The following PLCL1 variants were observed in gnomAD, a reference collection of about 807,000 sequenced individuals.
PLCL1 encodes the protein inactive phospholipase C-like protein 1.
PLCL1 carries 41 observed loss-of-function variants against 84.4 expected under a neutral mutation model. The ratio of observed to expected loss-of-function variants is 0.49; its 90% CI spans 0.38 to 0.63. The LOEUF (loss-of-function observed/expected upper bound fraction) is 0.63, where lower values mean the gene tolerates loss of function less well. PLCL1 is among the 30% of genes least tolerant of loss of function. The pLI, the probability that PLCL1 is intolerant of heterozygous loss-of-function variation, is 0.00. For missense variants in PLCL1, 1,206 were observed against 1,367.8 expected, an observed-to-expected ratio of 0.88 and a Z score of 1.87; for synonymous variants, 490 against 488.3, an observed-to-expected ratio of 1.00 and a Z score of -0.05.
intron 1 of PLCL1, among the ~76,000 whole-genome samples, chr2:197,920,533 T>C (rs1688681827): frequency 6.6e-6 from 1 of 152,092 alleles, no homozygotes; most frequent in African/African-American, 2.4e-5. Context: ...TTCTGATGAG[T>C]GAAACAATTG....
intron 5 of PLCL1, among the ~76,000 whole-genome samples, chr2:198,117,567 T>A (rs1178490553): frequency 6.6e-6 from 1 of 151,796 alleles, no homozygotes; most frequent in Non-Finnish European, 1.5e-5. Context: ...TCATGGATGG[T>A]TACACACCGC....
intron 1 of PLCL1, among the ~76,000 whole-genome samples, chr2:198,079,783 T>A (rs1205288096): frequency 6.6e-6 from 1 of 152,218 alleles, no homozygotes; most frequent in African/African-American, 2.4e-5. Flanking sequence ...TGAGAAATGA[T>A]AATTTGGAGA....
At chr2:198,117,690 C>G (rs1693776810) in intron 5 of PLCL1, among the ~76,000 whole-genome samples, 1 of 151,804 alleles carries the variant, frequency 6.6e-6, no homozygotes, top group Non-Finnish European at 1.5e-5. Flanking sequence ...ATATCTAAGA[C>G]TGCTAAAAAA....
At chr2:197,835,808 C>A (rs1691175544) in intron 1 of PLCL1, among the ~76,000 whole-genome samples, 1 of 152,106 alleles carries the variant, frequency 6.6e-6, no homozygotes, top group Non-Finnish European at 1.5e-5. Context: ...TCAAAGTATT[C>A]TTATTTTATT....
chr2:197,916,563 A>C (rs1359580737), intron 1 of PLCL1, among the ~76,000 whole-genome samples: 2 of 152,052 alleles, frequency 1.3e-5, no homozygotes, highest in African/African-American at 4.8e-5. Context: ...CATAGTTAGC[A>C]CTCAATATAT....
At chr2:197,833,871 A>C (rs993991008) in intron 1 of PLCL1, among the ~76,000 whole-genome samples, 1 of 152,264 alleles carries the variant, frequency 6.6e-6, no homozygotes, top group Non-Finnish European at 1.5e-5. Flanking sequence ...AATCCCCAGC[A>C]AAAAGAACAA....
At chr2:197,873,510 A>G (rs1687684708) in intron 1 of PLCL1, among the ~76,000 whole-genome samples, 1 of 152,144 alleles carries the variant, frequency 6.6e-6, no homozygotes, top group Non-Finnish European at 1.5e-5. Context: ...TGGCTTCTGC[A>G]AAGTAGCAAG....
chr2:197,967,536 C>A (rs987557506), intron 1 of PLCL1, among the ~76,000 whole-genome samples: 43 of 152,110 alleles, frequency 2.8e-4, no homozygotes, highest in African/African-American at 1.0e-3. Context: ...ATAATCTGCT[C>A]AAAAGTAGGA....
Position 197,966,354 on chromosome 2 carries a change from G to C in PLCL1, c.241-117404G>C, listed in dbSNP as rs527256922. 1.2e-3 allele frequency among the ~76,000 whole-genome samples: 186 copies of C among 152,216 alleles called. 1 individual carries two copies. The highest frequency in any genetic ancestry group is 4.3e-3 in the African/African-American group (180 of 41,550). The stretch of plus-strand genomic sequence containing the variant: ...CAAGAATTGCAGTCCTTGTGGCCTA[G>C]ACTGCCTTTCAAGTTTATTTAGGAC... On this transcript the variant is annotated intron_variant, in intron 1 of 5. Transcript: ENST00000428675.
At chr2:197,884,074 G>A (rs1209205963) in intron 1 of PLCL1, among the ~76,000 whole-genome samples, 2 of 152,098 alleles carry the variant, frequency 1.3e-5, no homozygotes, top group Non-Finnish European at 2.9e-5. Context: ...ACCTAACTGG[G>A]ATATTTAATA....
At chr2:197,846,029 C>T (rs1253379474) in intron 1 of PLCL1, among the ~76,000 whole-genome samples, 2 of 151,880 alleles carry the variant, frequency 1.3e-5, no homozygotes, top group African/African-American at 2.4e-5. Context: ...ATTAAAAGAA[C>T]GAGGGTCTGG....
chr2:198,062,415 T>C (rs1346471156), intron 1 of PLCL1, among the ~76,000 whole-genome samples: 1 of 152,212 alleles, frequency 6.6e-6, no homozygotes, highest in Non-Finnish European at 1.5e-5. Context: ...TTACCTACAA[T>C]TTATACGTAA....
In PLCL1 at chr2:198,079,628, G is replaced by A. The variant is rs573149471; in HGVS notation, c.241-4130G>A. The stretch of plus-strand genomic sequence containing the variant: ...TCATGAGACTCTTCTTGATTCTGAT[G>A]ATTGAATCCTTTATAAGATATTGAA... On this transcript the variant is annotated intron_variant, in intron 1 of 5. Transcript: ENST00000428675. Among the ~76,000 whole-genome samples, 3 of 152,164 alleles carry A rather than the reference G, an allele frequency of 2.0e-5. No individual in the cohort carries two copies. The South Asian group carries it at 6.2e-4, about 32-fold the overall frequency.
At chr2:198,080,023 A>C (rs1692672701) in intron 1 of PLCL1, among the ~76,000 whole-genome samples, 1 of 152,220 alleles carries the variant, frequency 6.6e-6, no homozygotes, top group African/African-American at 2.4e-5. Context: ...TCTTGCCTTC[A>C]TTCTCATGTG....
rs2105940950 is a variant in PLCL1, at chr2:198,136,076, T to C, written c.3106-10704T>C. Among the ~76,000 whole-genome samples the C allele has an allele frequency of 2.0e-5, 3 of 152,334 alleles. No homozygotes were observed. In the Middle Eastern group the frequency reaches 0.01, roughly 518 times the overall value. ...TGAGTAATGCAATCCTGGCTTTTATTGTCGCATTTTATTCTCTCCACTTTG... is the reference window on the plus strand; with the variant it reads ...TGAGTAATGCAATCCTGGCTTTTATCGTCGCATTTTATTCTCTCCACTTTG... On this transcript the variant is annotated intron_variant, in intron 5 of 5. Transcript: ENST00000428675.
At position 198,041,373 on chromosome 2, in the gene PLCL1, C is replaced by T. The variant is rs559182365; in HGVS notation, c.241-42385C>T. Among the ~76,000 whole-genome samples the T allele has an allele frequency of 1.1e-4, 16 of 145,362 alleles. No individual in the cohort carries two copies. In the East Asian group the frequency reaches 3.2e-3, roughly 29 times the overall value. On this transcript the variant is annotated intron_variant, in intron 1 of 5. Coordinates refer to ENST00000428675, the MANE Select transcript of PLCL1 (RefSeq NM_006226.4). The stretch of plus-strand genomic sequence containing the variant: ...TTGACCGAAATAAGTAGACAATGTT[C>T]TGTTTTCTAAGTTCCAACCACAGTG...
Position 198,148,407 on chromosome 2 carries a change from CTT to C in PLCL1, c.*1446_*1447del, listed in dbSNP as rs1300853991. On this transcript the variant is annotated 3_prime_UTR_variant, in exon 6 of 6. Coordinates refer to ENST00000428675, the MANE Select transcript of PLCL1 (RefSeq NM_006226.4). ...AAAGAGTAAAGATATGAAAAAAACA[CTT>C]ATTGTTTTCTTTTATTGTGAATTGA... is the stretch of plus-strand genomic sequence containing the variant. 6.6e-6 allele frequency: 1 copy of C among 152,336 alleles called. No individual in the cohort carries two copies. Among genetic ancestry groups the C allele is most frequent in the Non-Finnish European group, 1.5e-5 (1 of 68,012 alleles). The allele number at this position is 152,336 out of a possible 1,614,324, so 9.4% of individuals were successfully genotyped here.
intron 1 of PLCL1, among the ~76,000 whole-genome samples, chr2:197,931,376 C>A (rs1688927827): frequency 6.6e-6 from 1 of 152,092 alleles, no homozygotes; most frequent in Non-Finnish European, 1.5e-5. Flanking sequence ...AGGATAAAGT[C>A]ATTGATAGAA....
At chr2:197,968,440 A>C (rs897976317) in intron 1 of PLCL1, among the ~76,000 whole-genome samples, 1 of 152,204 alleles carries the variant, frequency 6.6e-6, no homozygotes, top group African/African-American at 2.4e-5. Context: ...AGGTTTCCTT[A>C]TAAAATGATA....
Sources: allele counts gnomAD v4.1 joint callset (sites outside exome capture counted in the v4.1 genomes callset), GRCh38; gene constraint gnomAD v4.1.1; transcripts MANE v1.5; gene names NCBI Gene and HGNC (gene_info 2026-07-23, HGNC 2026-07-21).